Variants in ZNF804B observed in about 807,000 individuals in gnomAD.
The protein encoded by ZNF804B is zinc finger 804B.
A neutral mutation model predicts 101.4 loss-of-function variants in ZNF804B; 80 were observed. That is an observed-to-expected ratio of 0.79 (90% CI 0.66 to 0.95). The LOEUF is 0.95. Among genes scored for constraint, ZNF804B ranks in the 40% least tolerant of loss-of-function variants. The probability of loss-of-function intolerance (pLI) is 0.00; values close to 1 mark genes in which losing one functional copy is unlikely to be tolerated. For missense variants in ZNF804B, 1,673 were observed against 1,561.9 expected, an observed-to-expected ratio of 1.07 and a Z score of -1.20; for synonymous variants, 622 against 558.8, an observed-to-expected ratio of 1.11 and a Z score of -1.59.
chr7:89,215,090 C>G (rs1420113536), intron 1 of ZNF804B, among the ~76,000 whole-genome samples: 1 of 152,162 alleles, frequency 6.6e-6, no homozygotes, highest in Non-Finnish European at 1.5e-5. Context: ...CACTCTTTCT[C>G]TCTTAATAAA....
At chr7:89,124,510 C>G (rs1790451211) in intron 1 of ZNF804B, among the ~76,000 whole-genome samples, 1 of 152,124 alleles carries the variant, frequency 6.6e-6, no homozygotes, top group Non-Finnish European at 1.5e-5. Flanking sequence ...TAAATGTGTT[C>G]AGCACTTCAG....
chr7:88,949,249 G>A (rs1400582516), intron 1 of ZNF804B, among the ~76,000 whole-genome samples: 5 of 151,662 alleles, frequency 3.3e-5, no homozygotes, highest in East Asian at 2.0e-4. Context: ...GACCATTTGC[G>A]CTTGATAATT....
intron 1 of ZNF804B, among the ~76,000 whole-genome samples, chr7:88,980,405 G>A (rs961801909): frequency 6.6e-6 from 1 of 151,960 alleles, no homozygotes; most frequent in Admixed American, 6.6e-5. Flanking sequence ...GATATTCATC[G>A]TAGTCTTCAC....
intron 1 of ZNF804B, among the ~76,000 whole-genome samples, chr7:88,835,543 A>C (rs865866493): frequency 4.6e-5 from 7 of 151,974 alleles, no homozygotes; most frequent in South Asian, 2.1e-4. Flanking sequence ...GTAAGCTTAA[A>C]TAAGCTTGAA....
chr7:89,075,427 C>T (rs1405676279), intron 1 of ZNF804B, among the ~76,000 whole-genome samples: 1 of 152,162 alleles, frequency 6.6e-6, no homozygotes, highest in South Asian at 2.1e-4. Context: ...GCTGTGGCTT[C>T]AGAGGGTGCA....
chr7:89,249,263 A>G (rs1368700127), intron 2 of ZNF804B, among the ~76,000 whole-genome samples: 1 of 152,192 alleles, frequency 6.6e-6, no homozygotes, highest in East Asian at 1.9e-4. Context: ...GTTTAAATTT[A>G]ACAATTGGCC....
chr7:89,225,155 T>A (rs1789068178), intron 2 of ZNF804B, among the ~76,000 whole-genome samples: 2 of 152,032 alleles, frequency 1.3e-5, no homozygotes, highest in Admixed American at 1.3e-4. Context: ...AGTTACCAAT[T>A]TTCCAGTTCT....
chr7:89,065,746 C>A (rs1224745827), intron 1 of ZNF804B, among the ~76,000 whole-genome samples: 2 of 152,074 alleles, frequency 1.3e-5, no homozygotes, highest in Admixed American at 1.3e-4. Context: ...GGCTGGCTGC[C>A]TGCATTCCCA....
At chr7:89,100,217 G>A (rs1265663012) in intron 1 of ZNF804B, among the ~76,000 whole-genome samples, 2 of 152,202 alleles carry the variant, frequency 1.3e-5, no homozygotes, top group East Asian at 3.9e-4. Context: ...TGGGGAAAAG[G>A]CAGTCTCTTC....
At chr7:88,895,824 T>C (rs1348050478) in intron 1 of ZNF804B, among the ~76,000 whole-genome samples, 4 of 152,166 alleles carry the variant, frequency 2.6e-5, no homozygotes, top group Non-Finnish European at 4.4e-5. Context: ...TAACCAAAAG[T>C]GTAAAATAAA....
chr7:89,282,590 T>C (rs1312655093), intron 2 of ZNF804B, among the ~76,000 whole-genome samples: 1 of 152,182 alleles, frequency 6.6e-6, no homozygotes, highest in African/African-American at 2.4e-5. Context: ...CTGCAATCTG[T>C]ATATGCTATC....
At chr7:89,031,074 A>T (rs965534169) in intron 1 of ZNF804B, among the ~76,000 whole-genome samples, 1 of 152,076 alleles carries the variant, frequency 6.6e-6, no homozygotes, top group South Asian at 2.1e-4. Context: ...AATGTAAATG[A>T]TGAGTTGATG....
At chr7:88,772,499 A>G (rs1046079429) in intron 1 of ZNF804B, among the ~76,000 whole-genome samples, 1 of 152,182 alleles carries the variant, frequency 6.6e-6, no homozygotes, top group Non-Finnish European at 1.5e-5. Flanking sequence ...AAATATTCAT[A>G]AGGAGTGGAC....
intron 1 of ZNF804B, among the ~76,000 whole-genome samples, chr7:88,822,029 A>G (rs1385524729): frequency 1.3e-5 from 2 of 152,176 alleles, no homozygotes; most frequent in Non-Finnish European, 2.9e-5. Flanking sequence ...TGGTGCTAGT[A>G]CAAACGGTCA....
chr7:89,004,552 A>G (rs921155425), intron 1 of ZNF804B, among the ~76,000 whole-genome samples: 3 of 151,840 alleles, frequency 2.0e-5, no homozygotes, highest in Admixed American at 6.6e-5. Flanking sequence ...ATAGGAATGA[A>G]TTGTATAATT....
chr7:88,858,048 C>G (rs1462653564), intron 1 of ZNF804B, among the ~76,000 whole-genome samples: 7 of 151,960 alleles, frequency 4.6e-5, no homozygotes, highest in Admixed American at 4.6e-4. Flanking sequence ...GTCTCCAACT[C>G]CTGACCTCAG....
intron 1 of ZNF804B, among the ~76,000 whole-genome samples, chr7:88,903,600 T>A (rs1246656236): frequency 6.6e-6 from 1 of 152,080 alleles, no homozygotes; most frequent in Non-Finnish European, 1.5e-5. Flanking sequence ...CTTTTCTCCA[T>A]AGCCTCGCCA....
At chr7:89,019,960 T>C (rs1320046122) in intron 1 of ZNF804B, among the ~76,000 whole-genome samples, 2 of 123,796 alleles carry the variant, frequency 1.6e-5, no homozygotes, top group Admixed American at 1.6e-4. Context: ...ATATTATTAA[T>C]ATGTGAACAC....
chr7:89,007,243 TC>T (rs1230199517), intron 1 of ZNF804B, among the ~76,000 whole-genome samples: 1 of 151,734 alleles, frequency 6.6e-6, no homozygotes, highest in Non-Finnish European at 1.5e-5. Context: ...TAAATGAGAT[TC>T]CATCTCTTAA....
Sources: allele counts gnomAD v4.1 joint callset (sites outside exome capture counted in the v4.1 genomes callset), GRCh38; gene constraint gnomAD v4.1.1; transcripts MANE v1.5; gene names NCBI Gene and HGNC (gene_info 2026-07-23, HGNC 2026-07-21).